TBC1D8: variants seen among roughly 807,000 people sequenced by gnomAD.
TBC1D8 encodes BUB2-like protein 1.
TBC1D8 carries 65 observed loss-of-function variants against 118.8 expected under a neutral mutation model. The ratio of observed to expected loss-of-function variants is 0.55; its 90% CI spans 0.45 to 0.67. The LOEUF is 0.67. TBC1D8 is among the 30% of genes least tolerant of loss of function. TBC1D8 has a pLI of 0.00. For missense variants in TBC1D8, 1,376 were observed against 1,471.2 expected (o/e 0.94, Z 1.06); for synonymous variants, 566 against 595.8 (o/e 0.95, Z 0.73).
rs1682633862 is a variant in TBC1D8 at position 101,059,446 on chromosome 2, G to A, written c.377C>T (p.Ala126Val). 6.2e-7 allele frequency: 1 copy of A among 1,613,722 alleles called. No individual in the cohort carries two copies. Among genetic ancestry groups the A allele is most frequent in the East Asian group, 2.2e-5 (1 of 44,856 alleles). ...CTTTACCTTCCCTTTGACAAAACTG[G>A]CAATGTCATCTTTATTATCAAAGAC... ...LSVFDNKDDIASFVKGKVKAL... is the reference protein window; with the variant it reads ...LSVFDNKDDIVSFVKGKVKAL... Residue 126 changes from alanine to valine, a missense_variant, in exon 3 of 20, where the codon GCC becomes GTC. Coordinates refer to ENST00000409318, the MANE Select transcript of TBC1D8 (RefSeq NM_001330348.2).
chr2:101,078,947 C>T (rs1675065267), intron 2 of TBC1D8, among the ~76,000 whole-genome samples: 1 of 151,928 alleles, frequency 6.6e-6, no homozygotes, highest in South Asian at 2.1e-4. Context: ...TAGCATATGT[C>T]ACAGAAGTCA....
In TBC1D8 at chr2:101,011,556, G is replaced by T. The variant is rs775481404; in HGVS notation, c.2828-16C>A. On this transcript the variant is annotated splice_polypyrimidine_tract_variant and intron_variant, in intron 17 of 19. Coordinates refer to ENST00000409318, the MANE Select transcript of TBC1D8 (RefSeq NM_001330348.2). ...TCAGTGAGTGCTTAAAAAAAGATGAGAGGTTTAAATTAAACAAATTTTCTG... is the reference window on the plus strand; with the variant it reads ...TCAGTGAGTGCTTAAAAAAAGATGATAGGTTTAAATTAAACAAATTTTCTG... 14 of 1,613,534 alleles carry T rather than the reference G, an allele frequency of 8.7e-6. No individual in the cohort carries two copies. The highest frequency in any genetic ancestry group is 1.6e-4 in the Middle Eastern group (1 of 6,084).
intron 2 of TBC1D8, among the ~76,000 whole-genome samples, chr2:101,068,151 G>A (rs912714615): frequency 1.3e-5 from 2 of 152,074 alleles, no homozygotes; most frequent in African/African-American, 4.8e-5. Context: ...TTGAACCCCC[G>A]AAGCCCTCAA....
chr2:101,054,987 T>C (rs980454549), intron 3 of TBC1D8, among the ~76,000 whole-genome samples: 5 of 151,362 alleles, frequency 3.3e-5, no homozygotes, highest in Non-Finnish European at 5.9e-5. Context: ...CGGCCACAAA[T>C]GATCATTTTC....
intron 1 of TBC1D8, among the ~76,000 whole-genome samples, chr2:101,108,034 C>A (rs1271555332): frequency 5.6e-5 from 7 of 125,376 alleles, no homozygotes. Flanking sequence ...CGAGCCTGGG[C>A]AAGAGAGCAA....
chr2:101,008,203 T>C lies in TBC1D8; in HGVS notation c.3086A>G (p.Tyr1029Cys). 6.2e-7 allele frequency: 1 copy of C among 1,608,926 alleles called. No homozygotes were observed. The highest frequency in any genetic ancestry group is 8.5e-7 in the Non-Finnish European group (1 of 1,177,778). Residue 1029 changes from tyrosine to cysteine, a missense_variant, in exon 20 of 20, where the codon TAT becomes TGT. Physicochemically the swap from Tyr to Cys is radical, Grantham distance 194. Coordinates refer to ENST00000409318, the MANE Select transcript of TBC1D8 (RefSeq NM_001330348.2). ...TGTGGTGACTGTGGCGATGGCTTGATACAAATCATTTTCTTCTGGATCTTC... is the reference window on the plus strand; with the variant it reads ...TGTGGTGACTGTGGCGATGGCTTGACACAAATCATTTTCTTCTGGATCTTC... ...FHEDPEENDL[Y>C]QAIATVTTLL... is the part of the protein sequence containing the mutation.
chr2:101,029,394 T>TAA (rs74845104), intron 12 of TBC1D8, 97 bp downstream of exon 12: 38,988 of 1,160,168 alleles, frequency 0.034, no homozygotes, highest in Middle Eastern at 0.037. Context: ...TCTGTCTCAA[T>TAA]AAAAAAAAAA....
chr2:101,077,748 T>C (rs1219339192), intron 2 of TBC1D8, among the ~76,000 whole-genome samples: 4 of 152,094 alleles, frequency 2.6e-5, no homozygotes, highest in Non-Finnish European at 5.9e-5. Flanking sequence ...CCAAACCATA[T>C]CAAATGATAA....
chr2:101,020,965 G>A (rs542707539), intron 17 of TBC1D8, among the ~76,000 whole-genome samples: 14 of 152,224 alleles, frequency 9.2e-5, no homozygotes, highest in African/African-American at 3.4e-4. Context: ...AGTTGGGGGG[G>A]TTCTTGGGAC....
chr2:101,131,237 G>A (rs1176371408), intron 1 of TBC1D8, among the ~76,000 whole-genome samples: 1 of 152,200 alleles, frequency 6.6e-6, no homozygotes. Flanking sequence ...TCCAGGCCGG[G>A]CACGGTGGCT....
chr2:101,073,146 C>T (rs1193000433), intron 2 of TBC1D8, among the ~76,000 whole-genome samples: 1 of 59,878 alleles, frequency 1.7e-5, no homozygotes, highest in Non-Finnish European at 5.3e-5. Context: ...GCATGTTAGC[C>T]CCTATATCAA....
At chr2:101,119,016 C>T (rs974977476) in intron 1 of TBC1D8, among the ~76,000 whole-genome samples, 2 of 151,726 alleles carry the variant, frequency 1.3e-5, no homozygotes, top group African/African-American at 4.8e-5. Context: ...TCTCTGCCCC[C>T]CCAAAAAAAA....
chr2:101,144,203 G>T (rs1186852865), intron 1 of TBC1D8, among the ~76,000 whole-genome samples: 1 of 152,172 alleles, frequency 6.6e-6, no homozygotes, highest in Non-Finnish European at 1.5e-5. Context: ...CAGCACTAAA[G>T]GCACAGGAGA....
chr2:101,097,883 T>C (rs1676573907), intron 1 of TBC1D8, among the ~76,000 whole-genome samples: 2 of 152,044 alleles, frequency 1.3e-5, no homozygotes, highest in African/African-American at 4.8e-5. Context: ...AAAAAATAAA[T>C]AAAGCCTGCA....
At chr2:101,105,966 G>A (rs1015782337) in intron 1 of TBC1D8, among the ~76,000 whole-genome samples, 1 of 152,038 alleles carries the variant, frequency 6.6e-6, no homozygotes, top group Non-Finnish European at 1.5e-5. Context: ...ATGCAGCCAA[G>A]ATGTCCTTCA....
At chr2:101,150,348 GC>G (rs1322727694) in intron 1 of TBC1D8, among the ~76,000 whole-genome samples, 6 of 151,954 alleles carry the variant, frequency 3.9e-5, no homozygotes, top group Admixed American at 2.6e-4. Flanking sequence ...AAAAATATAG[GC>G]CCCCTAGATA....
At chr2:101,089,108 G>A (rs908200563) in intron 2 of TBC1D8, among the ~76,000 whole-genome samples, 1 of 152,162 alleles carries the variant, frequency 6.6e-6, no homozygotes, top group Admixed American at 6.5e-5. Context: ...CAGCAACTCT[G>A]GAAGGCCAAG....
Position 101,007,879 on chromosome 2 carries a change from A to AGAT in TBC1D8, c.3407_3409dup (p.Asn1136_Leu1137insHis), listed in dbSNP as rs3832055. The AGAT allele has an allele frequency of 1.2e-5, 19 of 1,613,586 alleles. No individual in the cohort carries two copies. The East Asian group carries it at 4.0e-4, about 34-fold the overall frequency. ...TTGGTGGCTCATTTCAAAAGTTTTG[A>AGAT]GATTGTACTGATTGATCTTGGCATT... is the stretch of plus-strand genomic sequence containing the variant. On this transcript the variant is annotated inframe_insertion, in exon 20 of 20. Transcript: ENST00000409318.
At chr2:101,018,506 C>T (rs1366233435) in intron 17 of TBC1D8, among the ~76,000 whole-genome samples, 1 of 152,212 alleles carries the variant, frequency 6.6e-6, no homozygotes, top group East Asian at 1.9e-4. Flanking sequence ...CAGAAGGAAA[C>T]TTCTATTCCT....
Sources: gnomAD v4.1 joint callset for allele counts (sites outside exome capture counted in the v4.1 genomes callset) on GRCh38, gnomAD v4.1.1 for gene constraint, MANE v1.5 for transcripts, NCBI Gene and HGNC (gene_info 2026-07-23, HGNC 2026-07-21) for gene names.